The following AKAP17A variants were observed in gnomAD, a reference collection of about 807,000 sequenced individuals.
AKAP17A encodes A-kinase anchoring protein 17A.
In AKAP17A, 15 loss-of-function variants were observed where a neutral mutation model predicts 52.2. The ratio of observed to expected loss-of-function variants is 0.29; its 90% CI spans 0.19 to 0.44. The LOEUF is 0.44. Ranked by LOEUF, AKAP17A falls within the 20% of genes least tolerant of loss-of-function variation. The pLI is 1.00. For missense variants in AKAP17A, 1,060 were observed against 1,007.0 expected (o/e 1.05, Z -0.71); for synonymous variants, 514 against 424.7 (o/e 1.21, Z -2.58).
chrX:1,591,605 T>C lies in AKAP17A; in HGVS notation c.-184T>C, dbSNP rs1397856076. On this transcript the variant is annotated 5_prime_UTR_variant, in exon 1 of 5. Transcript: ENST00000313871. ...CCCGCGCGCCGGAAGTGGAAATGCGTCATAGAGGGCGGGCGGCGACGGCGG... is the reference window on the plus strand; with the variant it reads ...CCCGCGCGCCGGAAGTGGAAATGCGCCATAGAGGGCGGGCGGCGACGGCGG... The C allele has an allele frequency of 2.6e-5, 4 of 151,894 alleles. No homozygotes were observed. The highest frequency in any genetic ancestry group is 7.3e-5 in the African/African-American group (3 of 41,354). The allele number at this position is 151,894 out of a possible 1,614,324, so 9.4% of individuals were successfully genotyped here. A position where few individuals can be genotyped will look rare whatever the true frequency, so the allele number is the denominator to read the frequency against.
chrX:1,599,964 T>C, intron 4 of AKAP17A: 1 of 468,482 alleles, frequency 2.1e-6, no homozygotes. Flanking sequence ...ACCAAGAGCC[T>C]CCCTGCTCCT....
At chrX:1,594,742 C>T (rs1227040230) in intron 2 of AKAP17A, among the ~76,000 whole-genome samples, 1 of 152,022 alleles carries the variant, frequency 6.6e-6, no homozygotes, top group Non-Finnish European at 1.5e-5. Flanking sequence ...CCTCAGCCTC[C>T]CGAGTAGCTG....
chrX:1,594,335 C>G (rs1932898934), intron 2 of AKAP17A, 111 bp downstream of exon 2: 2 of 1,319,714 alleles, frequency 1.5e-6, no homozygotes, highest in East Asian at 4.9e-5. Flanking sequence ...GGGACCTCCC[C>G]TAAGTAAAAT....
intron 3 of AKAP17A, among the ~76,000 whole-genome samples, chrX:1,597,342 G>A (rs184837928): frequency 6.6e-6 from 1 of 152,226 alleles, no homozygotes; most frequent in Non-Finnish European, 1.5e-5. Flanking sequence ...AATGTGCTGG[G>A]GGGGCCCATG....
At chrX:1,598,386 G>A (rs1339146109) in intron 3 of AKAP17A, among the ~76,000 whole-genome samples, 1 of 152,142 alleles carries the variant, frequency 6.6e-6, no homozygotes, top group Non-Finnish European at 1.5e-5. Context: ...TCCCCTTGGT[G>A]TCTGCGTGGG....
Position 1,595,650 on chromosome X carries a change from G to C in AKAP17A, c.911+118G>C, listed in dbSNP as rs1269377844. ...CGTGTGTGTGTGCATGCATGCTTGT[G>C]AGCTTGTGTGTGTACCTGTGTGCAT... On this transcript the variant is annotated intron_variant, in intron 3 of 4. Coordinates refer to ENST00000313871, the MANE Select transcript of AKAP17A (RefSeq NM_005088.3). The C allele has an allele frequency of 2.7e-6, 4 of 1,480,718 alleles. No homozygotes were observed. The East Asian group carries it at 9.1e-5, about 34-fold the overall frequency. 91.7% of individuals were successfully genotyped at this position (1,480,718 alleles called of 1,614,324 possible). A position where few individuals can be genotyped will look rare whatever the true frequency, so the allele number is the denominator to read the frequency against.
Position 1,601,184 on chromosome X carries a change from A to G in AKAP17A, c.1678A>G (p.Ile560Val). ...TGACAACAACCAACAGCCCAAGGGC[A>G]TCCCTGCCTGCGAGCAGAATGTCTC... ...IPDNNQQPKG[I>V]PACEQNVSRK... The change falls in exon 5 of 5, where the codon ATC (isoleucine) becomes GTC (valine). Residue 560 changes from isoleucine (I) to valine (V), a missense_variant. Ile to Val is a conservative substitution (Grantham distance 29). Around this residue, in one of 2 missense-constraint regions of AKAP17A, gnomAD observed 793 missense variants for 629.9 expected, o/e 1.26. Transcript: ENST00000313871. 2 of 1,613,898 alleles carry G rather than the reference A, an allele frequency of 1.2e-6. No homozygotes were observed. Among genetic ancestry groups the G allele is most frequent in the African/African-American group, 2.7e-5 (2 of 75,048 alleles).
chrX:1,598,744 G>A (rs1414003480), intron 3 of AKAP17A, among the ~76,000 whole-genome samples: 26 of 152,170 alleles, frequency 1.7e-4, no homozygotes, highest in Non-Finnish European at 3.2e-4. Flanking sequence ...GCTGTGTGGT[G>A]CCCTCACAGG....
At chrX:1,598,762 CACA>C (rs1933169306) in intron 3 of AKAP17A, among the ~76,000 whole-genome samples, 1 of 152,194 alleles carries the variant, frequency 6.6e-6, no homozygotes, top group Admixed American at 6.5e-5. Context: ...AGGAGTCCTG[CACA>C]ACAAGGAGTC....
chrX:1,594,278 T>G, intron 2 of AKAP17A, 54 bp downstream of exon 2: 1 of 1,492,128 alleles, frequency 6.7e-7, no homozygotes, highest in Non-Finnish European at 8.9e-7. Context: ...GCGACTTCCT[T>G]CCAGCAGGGT....
chrX:1,593,291 C>T (rs1161999057), intron 1 of AKAP17A, among the ~76,000 whole-genome samples, 153 bp from the exon 2 acceptor site: 2 of 152,196 alleles, frequency 1.3e-5, no homozygotes, highest in Admixed American at 1.3e-4. Context: ...GTTGAGATGG[C>T]TGTTAACAAA....
intron 3 of AKAP17A, among the ~76,000 whole-genome samples, chrX:1,596,435 TCCTCC>T (rs1932983169): frequency 9.0e-6 from 1 of 110,906 alleles, no homozygotes. Context: ...ATCCTCCTCC[TCCTCC>T]TCCTCCTCCA....
intron 3 of AKAP17A, among the ~76,000 whole-genome samples, 177 bp downstream of exon 3, chrX:1,595,709 C>G (rs1932942016): frequency 6.6e-6 from 1 of 151,572 alleles, no homozygotes; most frequent in South Asian, 2.1e-4. Flanking sequence ...GGTGTGTGTA[C>G]TTTGTATGTC....
At position 1,601,556 on chromosome X, in the gene AKAP17A, C is replaced by A; in HGVS notation, c.2050C>A (p.Arg684=). ...CCGCCGAAGCGAGCGGTCGCGCTCC[C>A]GGTCCCCGAGCAGGCACCGCAGTAC... ...HRRRSERSRS[R]SPSRHRSTWN... The change falls in exon 5 of 5, where the codon CGG becomes AGG. Residue 684 remains arginine, a synonymous_variant. Transcript: ENST00000313871. The A allele has an allele frequency of 6.8e-7, 1 of 1,463,498 alleles. No homozygotes were observed. Among genetic ancestry groups the A allele is most frequent in the South Asian group, 1.4e-5 (1 of 71,192 alleles). The allele number at this position is 1,463,498 out of a possible 1,614,324, so 90.7% of individuals were successfully genotyped here.
chrX:1,592,695 G>C (rs1366049649), intron 1 of AKAP17A, among the ~76,000 whole-genome samples: 3 of 152,174 alleles, frequency 2.0e-5, no homozygotes, highest in African/African-American at 7.2e-5. Context: ...GAGATGGTTG[G>C]GTTTCTGCGA....
At chrX:1,591,811 GCGAA>G (rs1340760560) in intron 1 of AKAP17A, 42 bp downstream of exon 1, 19 of 151,046 alleles carry the variant, frequency 1.3e-4, no homozygotes, top group African/African-American at 4.6e-4. Flanking sequence ...GCTGCAGCCG[GCGAA>G]CGCTTCGCTC....
chrX:1,600,270 T>G, intron 4 of AKAP17A: 1 of 1,153,570 alleles, frequency 8.7e-7, no homozygotes, highest in Non-Finnish European at 1.2e-6. Context: ...GGCGGTGGCA[T>G]GCGTCTGCGG....
At chrX:1,600,605 G>A (rs770989632) in intron 4 of AKAP17A, 54 bp from the exon 5 acceptor site, 40 of 1,456,340 alleles carry the variant, frequency 2.7e-5, no homozygotes, top group East Asian at 2.5e-4. Flanking sequence ...CCTGTCCCAC[G>A]TGTCCGGCCA....
chrX:1,593,746 G>C lies in AKAP17A; in HGVS notation c.284G>C (p.Cys95Ser). Residue 95 changes from cysteine (C) to serine (S), a missense_variant, in exon 2 of 5, where the codon TGC becomes TCC. This residue lies in a region of AKAP17A where 267 missense variants were observed against 377.1 expected (regional missense o/e 0.71). Coordinates refer to ENST00000313871, the MANE Select transcript of AKAP17A (RefSeq NM_005088.3). ...NKSLVKSFLA[C>S]LDGKTIKLSG... ...AGCCTGGTCAAGTCTTTTCTGGCCTGCCTGGACGGCAAGACCATCAAGCTC... is the reference window on the plus strand; with the variant it reads ...AGCCTGGTCAAGTCTTTTCTGGCCTCCCTGGACGGCAAGACCATCAAGCTC... 1 of 1,613,970 alleles carries C rather than the reference G, an allele frequency of 6.2e-7. No homozygotes were observed.
Sources: allele counts gnomAD v4.1 joint callset (sites outside exome capture counted in the v4.1 genomes callset), GRCh38; gene constraint gnomAD v4.1.1; regional missense constraint gnomAD v4.1.1; transcripts MANE v1.5; gene names NCBI Gene and HGNC (gene_info 2026-07-23, HGNC 2026-07-21).